Variants in GAB2 observed in about 807,000 individuals in gnomAD.
GAB2 encodes GRB2 associated binding protein 2.
A neutral mutation model predicts 65.5 loss-of-function variants in GAB2; 26 were observed. The ratio of observed to expected loss-of-function variants is 0.40; its 90% CI spans 0.29 to 0.55. GAB2 has a LOEUF of 0.55. Ranked by LOEUF, GAB2 falls within the 20% of genes least tolerant of loss-of-function variation. The pLI is 0.53. For synonymous variants in GAB2, 321 were observed against 329.6 expected, an observed-to-expected ratio of 0.97 and a Z score of 0.28; for missense variants, 884 against 875.8, an observed-to-expected ratio of 1.01 and a Z score of -0.12.
intron 1 of GAB2, among the ~76,000 whole-genome samples, chr11:78,390,271 A>T (rs577729615): frequency 6.6e-6 from 1 of 152,358 alleles, no homozygotes; most frequent in Non-Finnish European, 1.5e-5. Context: ...AGCTATAAAC[A>T]AAGGATTTCT....
intron 1 of GAB2, among the ~76,000 whole-genome samples, chr11:78,382,044 C>T (rs1856704287): frequency 6.6e-6 from 1 of 152,228 alleles, no homozygotes; most frequent in African/African-American, 2.4e-5. Flanking sequence ...AAGTTGTTCC[C>T]TTTGGCTAAA....
intron 1 of GAB2, among the ~76,000 whole-genome samples, chr11:78,302,020 A>G (rs1343811441): frequency 6.6e-6 from 1 of 152,226 alleles, no homozygotes; most frequent in Non-Finnish European, 1.5e-5. Context: ...CTCGTCTCTC[A>G]CCTTATATAA....
chr11:78,249,022 A>C (rs1046209527), intron 3 of GAB2, among the ~76,000 whole-genome samples: 5 of 152,236 alleles, frequency 3.3e-5, no homozygotes, highest in Non-Finnish European at 7.3e-5. Context: ...TTCTTCATGA[A>C]AATGGGTATC....
At chr11:78,320,145 A>G (rs2134661032) in intron 1 of GAB2, among the ~76,000 whole-genome samples, 1 of 152,330 alleles carries the variant, frequency 6.6e-6, no homozygotes, top group African/African-American at 2.4e-5. Context: ...TGCGGGGATT[A>G]CAGGCATGAG....
At chr11:78,339,999 A>G (rs1212119553) in intron 1 of GAB2, among the ~76,000 whole-genome samples, 1 of 152,186 alleles carries the variant, frequency 6.6e-6, no homozygotes, top group Non-Finnish European at 1.5e-5. Flanking sequence ...TTCTTTTTAA[A>G]GAGAAAATTG....
At chr11:78,293,443 G>T (rs1442241324) in intron 1 of GAB2, among the ~76,000 whole-genome samples, 5 of 151,962 alleles carry the variant, frequency 3.3e-5, no homozygotes, top group African/African-American at 1.2e-4. Flanking sequence ...CTTCTGTTTT[G>T]GGGGAAAAAA....
At chr11:78,275,055 C>T (rs1418084273) in intron 2 of GAB2, among the ~76,000 whole-genome samples, 2 of 152,084 alleles carry the variant, frequency 1.3e-5, no homozygotes, top group African/African-American at 2.4e-5. Flanking sequence ...TACATAGCTG[C>T]GATTATGTCT....
rs992572828 is a variant in GAB2, at chr11:78,219,149, G to T, written c.*123C>A. The T allele has an allele frequency of 8.5e-6, 8 of 945,508 alleles. No homozygotes were observed. Among genetic ancestry groups the T allele is most frequent in the Non-Finnish European group, 1.3e-5 (8 of 626,782 alleles). The allele number at this position is 945,508 out of a possible 1,614,324, so 58.6% of individuals were successfully genotyped here. ...CAGGGTCCCTGATGTCAAGTGCTTTGAAGGCTGAGACTGGCAGAGTAGAGA... is the reference window on the plus strand; with the variant it reads ...CAGGGTCCCTGATGTCAAGTGCTTTTAAGGCTGAGACTGGCAGAGTAGAGA... On this transcript the variant is annotated 3_prime_UTR_variant, in exon 10 of 10. Coordinates refer to ENST00000361507, the MANE Select transcript of GAB2 (RefSeq NM_080491.3).
At chr11:78,298,489 C>T (rs1866901667) in intron 1 of GAB2, among the ~76,000 whole-genome samples, 1 of 152,180 alleles carries the variant, frequency 6.6e-6, no homozygotes, top group East Asian at 1.9e-4. Flanking sequence ...AGGGTCACAT[C>T]TGGGAAACCA....
chr11:78,399,062 C>A (rs1272474274), intron 1 of GAB2, among the ~76,000 whole-genome samples: 2 of 152,034 alleles, frequency 1.3e-5, no homozygotes, highest in Non-Finnish European at 2.9e-5. Flanking sequence ...TTGAAGGATC[C>A]TAAGGAACTC....
At chr11:78,227,473 G>T (rs934000891) in intron 3 of GAB2, among the ~76,000 whole-genome samples, 1 of 152,106 alleles carries the variant, frequency 6.6e-6, no homozygotes, top group African/African-American at 2.4e-5. Flanking sequence ...TAGCCCATGG[G>T]TATTGATGTT....
intron 1 of GAB2, among the ~76,000 whole-genome samples, chr11:78,370,915 C>A (rs1856563707): frequency 6.6e-6 from 1 of 152,136 alleles, no homozygotes; most frequent in African/African-American, 2.4e-5. Context: ...GAAGAACACA[C>A]CCCACGTTTG....
At chr11:78,402,553 A>G (rs1591090270) in intron 1 of GAB2, among the ~76,000 whole-genome samples, 1 of 128,178 alleles carries the variant, frequency 7.8e-6, no homozygotes, top group African/African-American at 2.9e-5. Flanking sequence ...CCTCAGCCGC[A>G]CCCCCCCACC....
At chr11:78,407,693 GAAAGAA>G (rs1857069971) in intron 1 of GAB2, among the ~76,000 whole-genome samples, 3 of 140,878 alleles carry the variant, frequency 2.1e-5, no homozygotes, top group Non-Finnish European at 4.6e-5. Flanking sequence ...AAGAAAGAAA[GAAAGAA>G]AGAGATGGCA....
intron 3 of GAB2, chr11:78,231,824 G>C (rs1310230549): frequency 6.6e-6 from 1 of 152,192 alleles, no homozygotes; most frequent in Non-Finnish European, 1.5e-5. Flanking sequence ...TTTTCAATGA[G>C]TATGTTCCCA....
chr11:78,314,405 C>T (rs1004618495), intron 1 of GAB2, among the ~76,000 whole-genome samples: 2 of 152,186 alleles, frequency 1.3e-5, no homozygotes, highest in Non-Finnish European at 2.9e-5. Context: ...CGCTATTATC[C>T]TCATTTTGTA....
chr11:78,391,009 G>T (rs895189844), intron 1 of GAB2, among the ~76,000 whole-genome samples: 23 of 152,258 alleles, frequency 1.5e-4, no homozygotes, highest in African/African-American at 5.5e-4. Flanking sequence ...TACTCAAAGA[G>T]CCCTGATTAG....
chr11:78,353,467 TG>T (rs1856311583), intron 1 of GAB2, among the ~76,000 whole-genome samples: 2 of 152,246 alleles, frequency 1.3e-5, no homozygotes, highest in South Asian at 4.1e-4. Context: ...TGGGAGAAAC[TG>T]GGGATGGGGC....
intron 2 of GAB2, among the ~76,000 whole-genome samples, chr11:78,258,027 T>A (rs1865638748): frequency 6.6e-6 from 1 of 151,976 alleles, no homozygotes; most frequent in Non-Finnish European, 1.5e-5. Context: ...AGGATGGGGG[T>A]CCAGGCCTAG....
Sources: gnomAD v4.1 joint callset for allele counts (sites outside exome capture counted in the v4.1 genomes callset) on GRCh38, gnomAD v4.1.1 for gene constraint, MANE v1.5 for transcripts, NCBI Gene and HGNC (gene_info 2026-07-23, HGNC 2026-07-21) for gene names.